SBF2: variants seen among roughly 807,000 people sequenced by gnomAD.
SBF2 encodes the protein SET binding factor 2.
In SBF2, 112 loss-of-function variants were observed where a neutral mutation model predicts 225.2. That is an observed-to-expected ratio of 0.50 (90% CI 0.43 to 0.58). The LOEUF (loss-of-function observed/expected upper bound fraction) is 0.58, where lower values mean the gene tolerates loss of function less well. SBF2 is among the 20% of genes least tolerant of loss of function. The probability of loss-of-function intolerance (pLI) is 0.00; values close to 1 mark genes in which losing one functional copy is unlikely to be tolerated. For missense variants in SBF2, 1,996 were observed against 2,206.2 expected, an observed-to-expected ratio of 0.90 and a Z score of 1.91; for synonymous variants, 763 against 773.3, an observed-to-expected ratio of 0.99 and a Z score of 0.22.
intron 16 of SBF2, among the ~76,000 whole-genome samples, chr11:9,928,377 T>C (rs1213379812): frequency 6.6e-6 from 1 of 152,090 alleles, no homozygotes; most frequent in African/African-American, 2.4e-5. Context: ...ATTAGGAAAG[T>C]GCAAATTAAA....
intron 14 of SBF2, 128 bp downstream of exon 14, chr11:9,968,213 T>C (rs910621501): frequency 1.2e-6 from 1 of 820,242 alleles, no homozygotes; most frequent in African/African-American, 1.7e-5. Context: ...TGAGTATTGA[T>C]AATGCTCTGA....
At chr11:9,965,185 C>T (rs1340085510) in intron 14 of SBF2, among the ~76,000 whole-genome samples, 1 of 152,102 alleles carries the variant, frequency 6.6e-6, no homozygotes, top group Admixed American at 6.5e-5. Context: ...TCTAAAGGCA[C>T]AATCCCTTCA....
intron 16 of SBF2, among the ~76,000 whole-genome samples, chr11:9,921,187 C>T (rs1863603058): frequency 6.6e-6 from 1 of 150,964 alleles, no homozygotes; most frequent in Admixed American, 6.6e-5. Flanking sequence ...TCTCCTGCCT[C>T]AGCCTCCCAA....
At chr11:9,992,921 A>C in intron 11 of SBF2, 69 bp downstream of exon 11, 1 of 1,182,250 alleles carries the variant, frequency 8.5e-7, no homozygotes. Flanking sequence ...GGCTCGGAAA[A>C]AAAACCAAGT....
chr11:10,171,786 T>C (rs1451751993), intron 2 of SBF2, among the ~76,000 whole-genome samples: 1 of 152,228 alleles, frequency 6.6e-6, no homozygotes, highest in Non-Finnish European at 1.5e-5. Flanking sequence ...GGCTTTCTTT[T>C]GCTGGGAGAC....
chr11:10,248,246 T>C (rs1959999517), intron 1 of SBF2, among the ~76,000 whole-genome samples: 1 of 152,206 alleles, frequency 6.6e-6, no homozygotes, highest in Admixed American at 6.6e-5. Flanking sequence ...TGACTGGTCA[T>C]TTAAAAAGAG....
chr11:10,156,185 G>A (rs563688703), intron 2 of SBF2, among the ~76,000 whole-genome samples: 3 of 152,346 alleles, frequency 2.0e-5, no homozygotes, highest in African/African-American at 7.2e-5. Context: ...AGCTGTGGCT[G>A]AGCCTGGATG....
chr11:10,264,075 C>T (rs1321600812), intron 1 of SBF2, among the ~76,000 whole-genome samples: 1 of 152,150 alleles, frequency 6.6e-6, no homozygotes, highest in African/African-American at 2.4e-5. Context: ...CAGCAGGCAG[C>T]TTGGAGATCT....
chr11:10,041,348 A>G (rs555588208), intron 3 of SBF2, among the ~76,000 whole-genome samples: 7 of 152,292 alleles, frequency 4.6e-5, no homozygotes, highest in Admixed American at 4.6e-4. Context: ...TCACAGACTG[A>G]AAGTTTTCTG....
chr11:10,203,604 C>G (rs1287623618), intron 1 of SBF2, among the ~76,000 whole-genome samples: 2 of 150,828 alleles, frequency 1.3e-5, no homozygotes, highest in African/African-American at 4.8e-5. Flanking sequence ...TGAAAAGAAG[C>G]AGAAAAGTAT....
rs553219800 is a variant in SBF2, at chr11:10,206,773, C to T, written c.56-12786G>A. Among the ~76,000 whole-genome samples the T allele has an allele frequency of 1.6e-3, 245 of 152,068 alleles. 1 individual carries two copies. The highest frequency in any genetic ancestry group is 5.7e-3 in the African/African-American group (236 of 41,528). ...AGAATCAGTGAACTTGAGGTGAAAT[C>T]AGTAGAATTTACCCAGTCTGAACAA... On this transcript the variant is annotated intron_variant, in intron 1 of 39. Coordinates refer to ENST00000256190, the MANE Select transcript of SBF2 (RefSeq NM_030962.4).
At chr11:10,103,035 G>A (rs1469108395) in intron 2 of SBF2, among the ~76,000 whole-genome samples, 2 of 152,170 alleles carry the variant, frequency 1.3e-5, no homozygotes, top group African/African-American at 2.4e-5. Context: ...AAAAAATGGG[G>A]AGAGAGAAGA....
Position 9,808,256 on chromosome 11 carries a change from C to T in SBF2, c.4258-71G>A, listed in dbSNP as rs184099969. ...AAGGCCTATTACTAAGATAAAAGCA[C>T]TTCCTTCTGATGATAGCTAATTCAC... On this transcript the variant is annotated intron_variant, in intron 31 of 39. Coordinates refer to ENST00000256190, the MANE Select transcript of SBF2 (RefSeq NM_030962.4). 4.5e-4 allele frequency: 593 copies of T among 1,327,132 alleles called. 3 individuals are homozygous for T. The highest frequency in any genetic ancestry group is 5.0e-4 in the Non-Finnish European group (473 of 942,312). 82.2% of individuals were successfully genotyped at this position (1,327,132 alleles called of 1,614,324 possible).
At chr11:9,783,678 T>TAACA (rs1315697649) in intron 38 of SBF2, among the ~76,000 whole-genome samples, 6 of 152,188 alleles carry the variant, frequency 3.9e-5, no homozygotes, top group Admixed American at 1.3e-4. Context: ...GCTAAGAACC[T>TAACA]AACAGTAGTC....
chr11:10,006,335 T>C (rs955590936), intron 6 of SBF2, among the ~76,000 whole-genome samples: 7 of 152,230 alleles, frequency 4.6e-5, no homozygotes, highest in Admixed American at 2.6e-4. Context: ...TGACCTCTAA[T>C]CCTGCCTCTG....
chr11:9,975,716 C>T (rs1590656843), intron 13 of SBF2, among the ~76,000 whole-genome samples: 2 of 152,190 alleles, frequency 1.3e-5, no homozygotes, highest in South Asian at 2.1e-4. Context: ...CTATGCTTTG[C>T]GGGCAGGGCT....
At chr11:9,790,532 A>C in intron 34 of SBF2, 24 bp downstream of exon 34, 1 of 1,564,236 alleles carries the variant, frequency 6.4e-7, no homozygotes, top group Non-Finnish European at 8.8e-7. Context: ...CAGAAAGTGA[A>C]ACATAAATGA....
At chr11:10,077,223 C>T (rs1000171505) in intron 2 of SBF2, among the ~76,000 whole-genome samples, 4 of 152,106 alleles carry the variant, frequency 2.6e-5, no homozygotes, top group Admixed American at 6.5e-5. Flanking sequence ...AATGGCCATA[C>T]GGCTCAAAGT....
chr11:10,111,931 A>G (rs1250121137), intron 2 of SBF2, among the ~76,000 whole-genome samples: 1 of 152,216 alleles, frequency 6.6e-6, no homozygotes, highest in Non-Finnish European at 1.5e-5. Flanking sequence ...TTGTTTCACT[A>G]TTTAAAAAAT....
Sources: gnomAD v4.1 joint callset for allele counts (sites outside exome capture counted in the v4.1 genomes callset) on GRCh38, gnomAD v4.1.1 for gene constraint, MANE v1.5 for transcripts, NCBI Gene and HGNC (gene_info 2026-07-23, HGNC 2026-07-21) for gene names.